Variants in ZBTB24 observed in about 807,000 individuals in gnomAD.
ZBTB24 encodes the protein zinc finger and BTB domain containing 24.
A neutral mutation model predicts 53.8 loss-of-function variants in ZBTB24; 32 were observed. That is an observed-to-expected ratio of 0.60 (90% CI 0.45 to 0.80). The LOEUF (loss-of-function observed/expected upper bound fraction) is 0.80. ZBTB24 is among the 30% of genes least tolerant of loss of function. The probability of loss-of-function intolerance (pLI) is 0.00; values close to 1 mark genes in which losing one functional copy is unlikely to be tolerated. For missense variants in ZBTB24, 722 were observed against 837.1 expected, an observed-to-expected ratio of 0.86 and a Z score of 1.70; for synonymous variants, 297 against 306.7, an observed-to-expected ratio of 0.97 and a Z score of 0.33.
chr6:109,475,361 T>A (rs777748099), intron 5 of ZBTB24, 38 bp downstream of exon 5: 8 of 1,612,324 alleles, frequency 5.0e-6, no homozygotes, highest in Non-Finnish European at 6.8e-6. Flanking sequence ...CCTGAAAACA[T>A]CCCGTGTACT....
intron 5 of ZBTB24, among the ~76,000 whole-genome samples, chr6:109,475,161 C>T (rs556752105): frequency 4.6e-5 from 7 of 151,832 alleles, no homozygotes; most frequent in East Asian, 1.9e-4. Context: ...TTGTGACATA[C>T]GAATAGTCCT....
In ZBTB24 at chr6:109,465,898, T is replaced by A; in HGVS notation, c.2047A>T (p.Thr683Ser). ...LTQEPGPPPP[T>S]HHVPQPTPLG... ...GGCGTTGGCTGGGGCACGTGGTGAG[T>A]GGGTGGTGGCGGACCAGGCTCCTGT... is the stretch of plus-strand genomic sequence containing the variant. The change falls in exon 7 of 7, where the codon ACT becomes TCT. Residue 683 changes from threonine to serine, a missense_variant. Coordinates refer to ENST00000230122, the MANE Select transcript of ZBTB24 (RefSeq NM_014797.3). The A allele has an allele frequency of 6.2e-7, 1 of 1,613,882 alleles. No homozygotes were observed. The highest frequency in any genetic ancestry group is 8.5e-7 in the Non-Finnish European group (1 of 1,179,986).
At chr6:109,469,241 C>T (rs896183166) in intron 5 of ZBTB24, among the ~76,000 whole-genome samples, 4 of 152,206 alleles carry the variant, frequency 2.6e-5, no homozygotes, top group Admixed American at 6.5e-5. Flanking sequence ...TTGGTTTTCT[C>T]CCTCTCCAGA....
rs1776290442 is a variant in ZBTB24, at chr6:109,476,932, T to C, written c.953-2A>G. On this transcript the variant is annotated splice_acceptor_variant, in intron 2 of 6. Transcript: ENST00000230122. LOFTEE classifies it high-confidence loss of function. Reference sequence around the variant, plus strand: ...CATTACATTTGAAAGGTCGCTCCCCTGGAAGAAGAGCCCCAGAAGCATGGT... The same window carrying C: ...CATTACATTTGAAAGGTCGCTCCCCCGGAAGAAGAGCCCCAGAAGCATGGT... The C allele has an allele frequency of 1.2e-6, 2 of 1,613,682 alleles. No individual in the cohort carries two copies. Among genetic ancestry groups the C allele is most frequent in the Non-Finnish European group, 8.5e-7 (1 of 1,179,970 alleles).
chr6:109,469,114 G>A (rs900590780), intron 5 of ZBTB24, among the ~76,000 whole-genome samples: 2 of 152,100 alleles, frequency 1.3e-5, no homozygotes, highest in African/African-American at 4.8e-5. Context: ...GTAACAACTC[G>A]GATGAATCTG....
At position 109,463,347 on chromosome 6, in the gene ZBTB24, T is replaced by G. The variant is rs1775949768; in HGVS notation, c.*2504A>C. 6.6e-6 allele frequency: 1 copy of G among 152,188 alleles called. No homozygotes were observed. The highest frequency in any genetic ancestry group is 6.5e-5 in the Admixed American group (1 of 15,274). 9.4% of individuals were successfully genotyped at this position (152,188 alleles called of 1,614,324 possible). ...TGTGGGACAAAGAAAGAGGCTAGAT[T>G]AACAAAGCTATCATTTCCTTGTTTC... On this transcript the variant is annotated 3_prime_UTR_variant, in exon 7 of 7. Coordinates refer to ENST00000230122, the MANE Select transcript of ZBTB24 (RefSeq NM_014797.3).
chr6:109,467,848 C>A lies in ZBTB24; in HGVS notation c.1289-114G>T, dbSNP rs1047571346. 502 of 1,183,202 alleles carry A rather than the reference C, an allele frequency of 4.2e-4. 2 individuals carry two copies. The highest frequency in any genetic ancestry group is 1.0e-4 in the Non-Finnish European group (87 of 842,596). 73.3% of individuals were successfully genotyped at this position (1,183,202 alleles called of 1,614,324 possible). On this transcript the variant is annotated intron_variant, in intron 5 of 6. Coordinates refer to ENST00000230122, the MANE Select transcript of ZBTB24 (RefSeq NM_014797.3). ...CTTCGGTTTCACAATATAAACAGAA[C>A]AAAGGCAATCCCCTCCGTAAGCGTA...
chr6:109,475,513 C>T lies in ZBTB24; in HGVS notation c.1205-31G>A, dbSNP rs1186961911. The T allele has an allele frequency of 1.9e-6, 3 of 1,609,224 alleles. No homozygotes were observed. The Admixed American group carries it at 5.0e-5, about 27-fold the overall frequency. The stretch of plus-strand genomic sequence containing the variant: ...CGCAACAATAAAAAAAGTGTCAGTG[C>T]ATACATGCTCTCCCTGCCTTTTCTT... On this transcript the variant is annotated intron_variant, in intron 4 of 6. Transcript: ENST00000230122.
intron 5 of ZBTB24, 128 bp downstream of exon 5, chr6:109,475,271 C>G: frequency 8.9e-7 from 1 of 1,127,402 alleles, no homozygotes. Flanking sequence ...TATCTTCTTA[C>G]ACAACTCCCA....
rs752215763 is a variant in ZBTB24 at position 109,480,993 on chromosome 6, T to C, written c.952+82A>G. The C allele has an allele frequency of 5.1e-6, 8 of 1,574,352 alleles. No individual in the cohort carries two copies. The South Asian group carries it at 8.3e-5, about 16-fold the overall frequency. The stretch of plus-strand genomic sequence containing the variant: ...ATTACAATGCCCATCACACAGAAGT[T>C]GCACAGTAAATGGAAGCTATTATTA... On this transcript the variant is annotated intron_variant, in intron 2 of 6. Transcript: ENST00000230122.
intron 4 of ZBTB24, 98 bp from the exon 5 acceptor site, chr6:109,475,580 T>A: frequency 7.0e-7 from 1 of 1,431,040 alleles, no homozygotes; most frequent in South Asian, 1.2e-5. Context: ...AATAATCACT[T>A]TAAATATAGT....
chr6:109,468,843 T>C (rs1051271133), intron 5 of ZBTB24, among the ~76,000 whole-genome samples: 9 of 150,868 alleles, frequency 6.0e-5, no homozygotes, highest in African/African-American at 2.2e-4. Context: ...TGTGTTTGCA[T>C]GCTGAACATA....
intron 5 of ZBTB24, among the ~76,000 whole-genome samples, chr6:109,469,285 T>C (rs1023430781): frequency 1.3e-5 from 2 of 152,270 alleles, no homozygotes; most frequent in Admixed American, 6.5e-5. Context: ...TTGCTTGTGA[T>C]TGTAAAATTC....
At chr6:109,467,366 A>T (rs1442906800) in intron 6 of ZBTB24, among the ~76,000 whole-genome samples, 1 of 152,144 alleles carries the variant, frequency 6.6e-6, no homozygotes, top group Non-Finnish European at 1.5e-5. Context: ...CTACCAAAAA[A>T]ATACAAAAAC....
chr6:109,463,981 A>C lies in ZBTB24; in HGVS notation c.*1870T>G, dbSNP rs1246556222. 6.6e-6 allele frequency: 1 copy of C among 152,222 alleles called. No homozygotes were observed. The highest frequency in any genetic ancestry group is 1.5e-5 in the Non-Finnish European group (1 of 68,028). 9.4% of individuals were successfully genotyped at this position (152,222 alleles called of 1,614,324 possible). A position where few individuals can be genotyped will look rare whatever the true frequency, so the allele number is the denominator to read the frequency against. On this transcript the variant is annotated 3_prime_UTR_variant, in exon 7 of 7. Transcript: ENST00000230122. The stretch of plus-strand genomic sequence containing the variant: ...AGCTATGTAACCGTATTTTCTGAAT[A>C]ATCACCTAGCTATCCAGAGTGAGTA...
chr6:109,473,830 C>G (rs970938126), intron 5 of ZBTB24, among the ~76,000 whole-genome samples: 1 of 152,090 alleles, frequency 6.6e-6, no homozygotes, highest in African/African-American at 2.4e-5. Context: ...CGCCTGTAAT[C>G]CCAGCGCTTT....
At chr6:109,468,200 C>T (rs1776090970) in intron 5 of ZBTB24, among the ~76,000 whole-genome samples, 1 of 152,028 alleles carries the variant, frequency 6.6e-6, no homozygotes, top group South Asian at 2.1e-4. Flanking sequence ...CCTCCACTGC[C>T]ACTCTCTTGT....
chr6:109,480,915 C>T, intron 2 of ZBTB24, 160 bp downstream of exon 2: 1 of 1,464,220 alleles, frequency 6.8e-7, no homozygotes. Flanking sequence ...GGATATTACC[C>T]ACCTTGCAGG....
Position 109,473,591 on chromosome 6 carries a change from T to C in ZBTB24, c.1288+1808A>G, listed in dbSNP as rs548166990. Among the ~76,000 whole-genome samples the C allele has an allele frequency of 7.9e-5, 12 of 152,278 alleles. No homozygotes were observed. In the South Asian group the frequency reaches 2.5e-3, roughly 32 times the overall value. ...TCTTCAACGCACTCACAACACCAAA[T>C]GTGTTATATACTTGTCTGTACTCTG... On this transcript the variant is annotated intron_variant, in intron 5 of 6. Coordinates refer to ENST00000230122, the MANE Select transcript of ZBTB24 (RefSeq NM_014797.3).
Sources: allele counts gnomAD v4.1 joint callset (sites outside exome capture counted in the v4.1 genomes callset), GRCh38; gene constraint gnomAD v4.1.1; transcripts MANE v1.5; gene names NCBI Gene and HGNC (gene_info 2026-07-23, HGNC 2026-07-21).